Variants in UGP2 observed in about 807,000 individuals in gnomAD.
UGP2 encodes UTP--glucose-1-phosphate uridylyltransferase.
UGP2 carries 40 observed loss-of-function variants against 49.0 expected under a neutral mutation model. The observed-to-expected ratio is 0.82, with a 90% CI of 0.63 to 1.06. The LOEUF (loss-of-function observed/expected upper bound fraction) is 1.06, where lower values mean the gene tolerates loss of function less well. Among genes scored for constraint, UGP2 ranks in the 50% least tolerant of loss-of-function variants. The pLI is 0.00. For missense variants in UGP2, 460 were observed against 603.5 expected (o/e 0.76, Z 2.49); for synonymous variants, 225 against 213.0 (o/e 1.06, Z -0.49).
In UGP2 at chr2:63,884,058, T is replaced by A; in HGVS notation, c.540T>A (p.His180Gln). Residue 180 changes from histidine to glutamine, a missense_variant, in exon 5 of 10, where the codon CAT becomes CAA. Physicochemically the swap from His to Gln is conservative, Grantham distance 24. Coordinates refer to ENST00000337130, the MANE Select transcript of UGP2 (RefSeq NM_006759.4). Reference sequence around the variant, plus strand: ...AAAAAATACTACAGAAGTACAATCATTGTCGTGTGAAAATCTACACTTTCA... The same window carrying A: ...AAAAAATACTACAGAAGTACAATCAATGTCGTGTGAAAATCTACACTTTCA... ...DTKKILQKYN[H>Q]CRVKIYTFNQ... The A allele has an allele frequency of 6.2e-7, 1 of 1,612,934 alleles. No individual in the cohort carries two copies. The highest frequency in any genetic ancestry group is 8.5e-7 in the Non-Finnish European group (1 of 1,179,772).
chr2:63,871,614 C>G (rs1332345442), intron 3 of UGP2, among the ~76,000 whole-genome samples: 1 of 152,226 alleles, frequency 6.6e-6, no homozygotes, highest in Admixed American at 6.5e-5. Flanking sequence ...CTCAAGTTTT[C>G]TTTCTGTTGT....
At chr2:63,887,279 AT>A (rs1384112605) in intron 7 of UGP2, 122 bp from the exon 8 acceptor site, 3,778 of 1,022,312 alleles carry the variant, frequency 3.7e-3, no homozygotes, top group Non-Finnish European at 3.9e-3. Flanking sequence ...AAAAAAAAAA[AT>A]TTTTTTTTTT....
intron 3 of UGP2, among the ~76,000 whole-genome samples, chr2:63,865,481 C>G (rs187766470): frequency 8.6e-5 from 13 of 151,550 alleles, no homozygotes; most frequent in Non-Finnish European, 4.4e-5. Flanking sequence ...CAGGCTTCTA[C>G]CTAGAGAGAA....
chr2:63,886,494 C>T lies in UGP2; in HGVS notation c.1027C>T (p.Gln343Ter), dbSNP rs373657262. ...TTCTCTTGCAGCAGTTAAAAGACTG[C>T]AGGAGCAAAATGCCATTGACATGGA... ...WISLAAVKRL[Q>*]EQNAIDMEII... The change falls in exon 7 of 10, where the codon CAG (glutamine) becomes TAG (stop). Residue 343 changes from glutamine (Q) to a stop codon, truncating the protein, a stop_gained. Transcript: ENST00000337130. LOFTEE classifies it high-confidence loss of function. 5 of 1,614,048 alleles carry T rather than the reference C, an allele frequency of 3.1e-6. No homozygotes were observed. The highest frequency in any genetic ancestry group is 2.2e-5 in the East Asian group (1 of 44,894).
At position 63,887,635 on chromosome 2, in the gene UGP2, T is replaced by G; in HGVS notation, c.1305T>G (p.Ser435=). 1 of 1,614,088 alleles carries G rather than the reference T, an allele frequency of 6.2e-7. No individual in the cohort carries two copies. The highest frequency in any genetic ancestry group is 8.5e-7 in the Non-Finnish European group (1 of 1,179,970). ...TGCCCTTGGTTAAATTAGGCAGTTC[T>G]TTTACGAAGGTACGTAACTATAAAG... ...PTVPLVKLGS[S]FTKVQDYLRR... Residue 435 remains serine, a synonymous_variant, in exon 8 of 10, where the codon TCT becomes TCG. Coordinates refer to ENST00000337130, the MANE Select transcript of UGP2 (RefSeq NM_006759.4).
upstream of UGP2, chr2:63,841,216 GCT>G (rs1026406836): frequency 1.3e-5 from 2 of 152,170 alleles, no homozygotes; most frequent in African/African-American, 4.8e-5. Context: ...TTTCCCAGCT[GCT>G]AAAGGAAGAG....
intron 3 of UGP2, among the ~76,000 whole-genome samples, chr2:63,871,529 G>A (rs1026638625): frequency 6.6e-6 from 1 of 152,154 alleles, no homozygotes; most frequent in African/African-American, 2.4e-5. Context: ...CAGGTGATCC[G>A]CCCGCCTCGG....
chr2:63,842,390 T>G (rs1671621138), intron 1 of UGP2, 186 bp downstream of exon 1: 1 of 1,596,096 alleles, frequency 6.3e-7, no homozygotes, highest in African/African-American at 1.3e-5. Flanking sequence ...CGCGTATAAT[T>G]TATGCTCCTG....
At chr2:63,873,976 C>G (rs556102963) in intron 3 of UGP2, among the ~76,000 whole-genome samples, 2 of 152,174 alleles carry the variant, frequency 1.3e-5, no homozygotes, top group African/African-American at 4.8e-5. Context: ...CATCATGCCT[C>G]TAGTCCAAAC....
At chr2:63,875,887 C>T (rs745353754) in intron 3 of UGP2, among the ~76,000 whole-genome samples, 22 of 152,140 alleles carry the variant, frequency 1.4e-4, no homozygotes, top group Non-Finnish European at 2.9e-4. Context: ...GAATTGAAAG[C>T]ACAAAGATCG....
At chr2:63,863,662 A>G (rs185887602) in intron 3 of UGP2, among the ~76,000 whole-genome samples, 14 of 152,352 alleles carry the variant, frequency 9.2e-5, no homozygotes, top group South Asian at 2.1e-4. Flanking sequence ...AAGATACACT[A>G]TTTTTAACTA....
At chr2:63,852,925 G>A (rs1669136566) in intron 1 of UGP2, among the ~76,000 whole-genome samples, 1 of 152,164 alleles carries the variant, frequency 6.6e-6, no homozygotes, top group African/African-American at 2.4e-5. Flanking sequence ...TTTTGGACAT[G>A]TTGAGTTTGA....
intron 3 of UGP2, among the ~76,000 whole-genome samples, chr2:63,879,448 G>A (rs573117888): frequency 3.9e-4 from 60 of 152,158 alleles, no homozygotes; most frequent in African/African-American, 1.3e-3. Context: ...TCTAGATAAC[G>A]TTTACCTCTA....
intron 1 of UGP2, among the ~76,000 whole-genome samples, chr2:63,854,004 G>A (rs772993060): frequency 8.5e-5 from 13 of 152,140 alleles, no homozygotes; most frequent in Non-Finnish European, 1.3e-4. Flanking sequence ...AAATGCTTTT[G>A]GAGGAGAGTG....
chr2:63,872,052 G>A (rs1430179594), intron 3 of UGP2, among the ~76,000 whole-genome samples: 1 of 152,208 alleles, frequency 6.6e-6, no homozygotes, highest in Admixed American at 6.5e-5. Context: ...GTATGGCTAT[G>A]TTCCAATAAA....
intron 1 of UGP2, chr2:63,855,270 T>A: frequency 3.0e-6 from 1 of 331,668 alleles, no homozygotes; most frequent in Admixed American, 4.2e-5. Context: ...TGAAATGTGA[T>A]TCTGCTAAAT....
At chr2:63,873,402 A>C (rs1242124105) in intron 3 of UGP2, among the ~76,000 whole-genome samples, 1 of 152,216 alleles carries the variant, frequency 6.6e-6, no homozygotes, top group African/African-American at 2.4e-5. Context: ...GAAATGAATG[A>C]CTTCTGTTAC....
chr2:63,867,764 T>G (rs1346698037), intron 3 of UGP2, among the ~76,000 whole-genome samples: 2 of 152,226 alleles, frequency 1.3e-5, no homozygotes, highest in African/African-American at 4.8e-5. Context: ...TAGCAAGATA[T>G]CCTATCAAGT....
At position 63,882,756 on chromosome 2, in the gene UGP2, A is replaced by G. The variant is rs1671403486; in HGVS notation, c.441+105A>G. 3 of 1,219,794 alleles carry G rather than the reference A, an allele frequency of 2.5e-6. No homozygotes were observed. The Admixed American group carries it at 7.9e-5, about 32-fold the overall frequency. 75.6% of individuals were successfully genotyped at this position (1,219,794 alleles called of 1,614,324 possible). ...GCAGATGTGAATTTGAGCTAACCAA[A>G]GAGCCTGCTATCTTTAATCTCTTTA... On this transcript the variant is annotated intron_variant, in intron 4 of 9. Coordinates refer to ENST00000337130, the MANE Select transcript of UGP2 (RefSeq NM_006759.4).
Sources: allele counts gnomAD v4.1 joint callset (sites outside exome capture counted in the v4.1 genomes callset), GRCh38; gene constraint gnomAD v4.1.1; transcripts MANE v1.5; gene names NCBI Gene and HGNC (gene_info 2026-07-23, HGNC 2026-07-21).